Variants in WDR64 observed in about 807,000 individuals in gnomAD.
WDR64 encodes the protein WD repeat domain 64, also known as WD repeat-containing protein 64.
A neutral mutation model predicts 139.3 loss-of-function variants in WDR64; 112 were observed. That is an observed-to-expected ratio of 0.80 (90% CI 0.69 to 0.94). WDR64 has a LOEUF of 0.94. Among genes scored for constraint, WDR64 ranks in the 40% least tolerant of loss-of-function variants. The probability of loss-of-function intolerance (pLI) is 0.00; values close to 1 mark genes in which losing one functional copy is unlikely to be tolerated. For missense variants in WDR64, 1,206 were observed against 1,293.1 expected (o/e 0.93, Z 1.03); for synonymous variants, 444 against 437.7 (o/e 1.01, Z -0.18).
At position 241,703,008 on chromosome 1, in the gene WDR64, T is replaced by C. The variant is rs1011810572; in HGVS notation, c.975-8794T>C. Among the ~76,000 whole-genome samples the C allele has an allele frequency of 1.3e-5, 2 of 152,174 alleles. No individual in the cohort carries two copies. Among genetic ancestry groups the C allele is most frequent in the African/African-American group, 2.4e-5 (1 of 41,460 alleles). On this transcript the variant is annotated intron_variant, in intron 8 of 27. Coordinates refer to ENST00000437684, the MANE Select transcript of WDR64 (RefSeq NM_001367482.1). The surrounding 1 kb of genome is among the most constrained non-coding windows in gnomAD (Gnocchi z 5.9). Reference sequence around the variant, plus strand: ...CCTTGCCCCTTGGGAATGGGCACAATATGGATCAATAAGAGGCAGTAATAC... The same window carrying C: ...CCTTGCCCCTTGGGAATGGGCACAACATGGATCAATAAGAGGCAGTAATAC...
intron 9 of WDR64, among the ~76,000 whole-genome samples, chr1:241,717,612 G>T (rs1357048812): frequency 7.5e-6 from 1 of 132,524 alleles, no homozygotes; most frequent in African/African-American, 3.1e-5. Flanking sequence ...CTTCACACAC[G>T]CAGAAAAGAA....
intron 8 of WDR64, among the ~76,000 whole-genome samples, chr1:241,705,508 C>G (rs916999058): frequency 2.7e-5 from 4 of 150,340 alleles, no homozygotes; most frequent in East Asian, 3.9e-4. Context: ...CGCCACTGCA[C>G]TCCAGCCTGG....
At chr1:241,653,189 G>A (rs1250628404) in intron 1 of WDR64, among the ~76,000 whole-genome samples, 1 of 152,210 alleles carries the variant, frequency 6.6e-6, no homozygotes, top group East Asian at 1.9e-4. Context: ...AAGATTCAAG[G>A]GGAGTGGTGT....
intron 10 of WDR64, among the ~76,000 whole-genome samples, chr1:241,726,561 A>G (rs530404241): frequency 1.4e-3 from 207 of 152,292 alleles, no homozygotes; most frequent in African/African-American, 4.5e-3. Context: ...CCAATAAAGT[A>G]AAATTCAAGA....
At chr1:241,678,450 GT>G (rs2148096013) in intron 5 of WDR64, among the ~76,000 whole-genome samples, 1 of 152,296 alleles carries the variant, frequency 6.6e-6, no homozygotes, top group Admixed American at 6.5e-5. Flanking sequence ...TTGGAAACTG[GT>G]TACTCCTTGG....
chr1:241,662,963 ACCAAGAATAT>A (rs1665888260), intron 2 of WDR64, among the ~76,000 whole-genome samples: 1 of 152,326 alleles, frequency 6.6e-6, no homozygotes, highest in Middle Eastern at 3.4e-3. Context: ...TGGATATTCT[ACCAAGAATAT>A]CCAATAGAAT....
At chr1:241,747,176 T>C (rs1335145435) in intron 13 of WDR64, among the ~76,000 whole-genome samples, 2 of 152,198 alleles carry the variant, frequency 1.3e-5, no homozygotes, top group African/African-American at 2.4e-5. Context: ...GTGGTGACTA[T>C]GAAGGTTAGC....
Position 241,775,198 on chromosome 1 carries a change from G to A in WDR64, c.2524G>A (p.Ala842Thr). 1.9e-6 allele frequency: 3 copies of A among 1,549,802 alleles called. No individual in the cohort carries two copies. Among genetic ancestry groups the A allele is most frequent in the Non-Finnish European group, 2.6e-6 (3 of 1,146,604 alleles). The change falls in exon 21 of 28, where the codon GCT becomes ACT. Residue 842 changes from alanine to threonine, a missense_variant. By Grantham distance (58) the Ala-to-Thr change is moderately conservative (BLOSUM62 0). Coordinates refer to ENST00000437684, the MANE Select transcript of WDR64 (RefSeq NM_001367482.1). The part of the protein sequence containing the change: ...YTDSCTRILL[A>T]GNVEGHVILC... Reference sequence around the variant, plus strand: ...TGATTCATGTACGAGGATACTACTGGCTGGAAATGTGGGTGAGTCATTACT... The same window carrying A: ...TGATTCATGTACGAGGATACTACTGACTGGAAATGTGGGTGAGTCATTACT...
chr1:241,713,644 T>C (rs1558486591), intron 9 of WDR64, among the ~76,000 whole-genome samples: 1 of 152,176 alleles, frequency 6.6e-6, no homozygotes, highest in Non-Finnish European at 1.5e-5. Flanking sequence ...TAAATATTAA[T>C]CCTCTCTGTT....
chr1:241,652,840 T>TG (rs1028167506), intron 1 of WDR64, among the ~76,000 whole-genome samples: 56 of 152,228 alleles, frequency 3.7e-4, no homozygotes, highest in African/African-American at 1.0e-3. Context: ...TTTTTGTTTT[T>TG]TTTTTTTACT....
intron 8 of WDR64, among the ~76,000 whole-genome samples, chr1:241,699,329 C>A (rs1220423728): frequency 6.6e-6 from 1 of 152,058 alleles, no homozygotes; most frequent in African/African-American, 2.4e-5. Flanking sequence ...AGAAATAATT[C>A]CAGAAGAAAC....
At chr1:241,691,775 G>T (rs1667300523) in intron 8 of WDR64, among the ~76,000 whole-genome samples, 1 of 152,066 alleles carries the variant, frequency 6.6e-6, no homozygotes, top group African/African-American at 2.4e-5. Flanking sequence ...GCACTTTGGG[G>T]GGCCAAGGCG....
chr1:241,781,548 C>T (rs553238194), intron 22 of WDR64, among the ~76,000 whole-genome samples: 4 of 152,102 alleles, frequency 2.6e-5, no homozygotes, highest in African/African-American at 4.8e-5. Flanking sequence ...TGTTCTCTCC[C>T]GATATTACTG....
chr1:241,740,613 T>C (rs1484339186), intron 11 of WDR64, among the ~76,000 whole-genome samples: 1 of 152,100 alleles, frequency 6.6e-6, no homozygotes, highest in Non-Finnish European at 1.5e-5. Context: ...CAGGAAGAAA[T>C]TTCAGTTTTG....
Position 241,711,888 on chromosome 1 carries a change from G to A in WDR64, c.1054+7G>A, listed in dbSNP as rs771509486. ...AATGTGATTGTCACTGGAGGTGAGAGGGCGGTTCACATTACATAGGGGTTT... is the reference window on the plus strand; with the variant it reads ...AATGTGATTGTCACTGGAGGTGAGAAGGCGGTTCACATTACATAGGGGTTT... On this transcript the variant is annotated splice_region_variant and intron_variant, in intron 9 of 27. Coordinates refer to ENST00000437684, the MANE Select transcript of WDR64 (RefSeq NM_001367482.1). The A allele has an allele frequency of 5.6e-6, 9 of 1,614,094 alleles. No homozygotes were observed. Among genetic ancestry groups the A allele is most frequent in the East Asian group, 2.2e-5 (1 of 44,872 alleles).
chr1:241,801,963 C>G lies in WDR64; in HGVS notation c.*748C>G, dbSNP rs1659538487. On this transcript the variant is annotated 3_prime_UTR_variant, in exon 28 of 28. Transcript: ENST00000437684. The stretch of plus-strand genomic sequence containing the variant: ...TATATGTTGTTTACAAGAAACACAT[C>G]TAACATACAAGGACACCAAACTCTT... 2.5e-6 allele frequency: 1 copy of G among 397,682 alleles called. No individual in the cohort carries two copies. Among genetic ancestry groups the G allele is most frequent in the South Asian group, 1.3e-4 (1 of 7,812 alleles). The allele number at this position is 397,682 out of a possible 1,614,324, so 24.6% of individuals were successfully genotyped here.
intron 10 of WDR64, 85 bp downstream of exon 10, chr1:241,723,521 C>A: frequency 7.0e-7 from 1 of 1,422,636 alleles, no homozygotes; most frequent in Non-Finnish European, 9.4e-7. Flanking sequence ...CAATTTTTGA[C>A]TGAAATAAAT....
intron 1 of WDR64, among the ~76,000 whole-genome samples, chr1:241,655,258 C>G (rs150120515): frequency 1.3e-5 from 2 of 152,114 alleles, no homozygotes; most frequent in Non-Finnish European, 2.9e-5. Flanking sequence ...TGACGTGTGC[C>G]TGTAGTCCCA....
intron 8 of WDR64, among the ~76,000 whole-genome samples, chr1:241,698,454 G>T (rs1309907118): frequency 2.6e-5 from 4 of 151,966 alleles, no homozygotes; most frequent in Non-Finnish European, 5.9e-5. Flanking sequence ...ATCTTCCAGG[G>T]TATTCTCCTG....
Sources: allele counts gnomAD v4.1 joint callset (sites outside exome capture counted in the v4.1 genomes callset), GRCh38; gene constraint gnomAD v4.1.1; non-coding constraint Gnocchi (gnomAD v3.1); transcripts MANE v1.5; gene names NCBI Gene and HGNC (gene_info 2026-07-23, HGNC 2026-07-21).